The following TCTN1 variants were observed in gnomAD, a reference collection of about 807,000 sequenced individuals.
The protein encoded by TCTN1 is tectonic-1.
Under a neutral mutation model 65.8 loss-of-function variants are expected in TCTN1, and 58 were observed. The observed-to-expected ratio is 0.88, with a 90% CI of 0.71 to 1.10. TCTN1 has a LOEUF of 1.10. TCTN1 is among the 50% of genes least tolerant of loss of function. The probability of loss-of-function intolerance (pLI) is 0.00; values close to 1 mark genes in which losing one functional copy is unlikely to be tolerated. For missense variants in TCTN1, 645 were observed against 719.4 expected, an observed-to-expected ratio of 0.90 and a Z score of 1.18; for synonymous variants, 273 against 289.1, an observed-to-expected ratio of 0.94 and a Z score of 0.57.
intron 3 of TCTN1, chr12:110,627,863 C>G (rs1398845843): frequency 3.2e-6 from 2 of 616,850 alleles, no homozygotes; most frequent in Non-Finnish European, 5.7e-6. Flanking sequence ...TTTTATTTGT[C>G]AAATTCTGTC....
intron 7 of TCTN1, among the ~76,000 whole-genome samples, chr12:110,637,686 C>T (rs745824241): frequency 1.3e-5 from 2 of 152,128 alleles, no homozygotes; most frequent in Non-Finnish European, 2.9e-5. Context: ...AGTGAAGAAC[C>T]CTAGGGCTCC....
At chr12:110,638,545 A>AGT (rs2066734623) in intron 7 of TCTN1, among the ~76,000 whole-genome samples, 1 of 151,956 alleles carries the variant, frequency 6.6e-6, no homozygotes, top group Admixed American at 6.6e-5. Context: ...GTTCTTTACC[A>AGT]GTGTGTGTGT....
Position 110,641,159 on chromosome 12 carries a change from A to T in TCTN1, c.1104+10A>T, listed in dbSNP as rs1250939336. On this transcript the variant is annotated intron_variant, in intron 9 of 14. Coordinates refer to ENST00000397659, the MANE Select transcript of TCTN1 (RefSeq NM_001082538.3). Reference sequence around the variant, plus strand: ...AATTCATTTTCTTCAGGTAAGGTTGATCAATTTGGCATAAGTATTTAATTG... The same window carrying T: ...AATTCATTTTCTTCAGGTAAGGTTGTTCAATTTGGCATAAGTATTTAATTG... 1 of 1,614,124 alleles carries T rather than the reference A, an allele frequency of 6.2e-7. No homozygotes were observed. The highest frequency in any genetic ancestry group is 2.2e-5 in the East Asian group (1 of 44,908).
At chr12:110,618,868 C>A (rs192758945) in intron 1 of TCTN1, among the ~76,000 whole-genome samples, 2 of 151,968 alleles carry the variant, frequency 1.3e-5, no homozygotes, top group African/African-American at 4.8e-5. Context: ...GAAAAATCAT[C>A]CTTATTAATG....
At chr12:110,636,981 C>T (rs1240140607) in intron 7 of TCTN1, among the ~76,000 whole-genome samples, 12 of 152,186 alleles carry the variant, frequency 7.9e-5, no homozygotes, top group Admixed American at 7.9e-4. Flanking sequence ...CGCCCCAGCC[C>T]AGGGTTCTAC....
In TCTN1 at chr12:110,649,412, A is replaced by G. The variant is rs1230424233; in HGVS notation, c.*371A>G. On this transcript the variant is annotated 3_prime_UTR_variant, in exon 15 of 15. Coordinates refer to ENST00000397659, the MANE Select transcript of TCTN1 (RefSeq NM_001082538.3). ...TTTTGAGGGGAGCTGGTCCGGGTCT[A>G]GTTCACTTCACCAAGAAGTCCATGC... The G allele has an allele frequency of 6.2e-7, 1 of 1,607,500 alleles. No homozygotes were observed. Among genetic ancestry groups the G allele is most frequent in the African/African-American group, 1.3e-5 (1 of 74,856 alleles).
intron 3 of TCTN1, chr12:110,628,116 A>C: frequency 6.5e-7 from 1 of 1,536,038 alleles, no homozygotes; most frequent in Non-Finnish European, 8.7e-7. Context: ...TTTCATTCCC[A>C]TAGCCATCCG....
chr12:110,620,091 C>G, intron 2 of TCTN1, 135 bp downstream of exon 2: 1 of 1,333,900 alleles, frequency 7.5e-7, no homozygotes, highest in East Asian at 2.3e-5. Context: ...GAAGCCATAC[C>G]GTCCAAACAA....
At chr12:110,647,559 T>G in intron 13 of TCTN1, 190 bp from the exon 14 acceptor site, 1 of 1,031,402 alleles carries the variant, frequency 9.7e-7, no homozygotes, top group South Asian at 1.5e-5. Flanking sequence ...AATTATGATA[T>G]TCACGTGTTA....
rs368461769 is a variant in TCTN1, at chr12:110,641,669, T to G, written c.1190+42T>G. 111 of 1,571,948 alleles carry G rather than the reference T, an allele frequency of 7.1e-5. No individual in the cohort carries two copies. In the African/African-American group the frequency reaches 1.5e-3, roughly 21 times the overall value. ...TGTAGAGGGTGGATTTATTTCTCTC[T>G]CCATGTGCGTGGGCTGCACTGCTCT... On this transcript the variant is annotated intron_variant, in intron 10 of 14. Transcript: ENST00000397659.
chr12:110,614,900 T>G (rs149033310), intron 1 of TCTN1, among the ~76,000 whole-genome samples: 80 of 152,376 alleles, frequency 5.3e-4, no homozygotes, highest in African/African-American at 1.9e-3. Flanking sequence ...GGAGGGGTTA[T>G]GCTCACTTCT....
intron 6 of TCTN1, 156 bp downstream of exon 6, chr12:110,634,935 C>T: frequency 3.5e-6 from 2 of 567,480 alleles, no homozygotes; most frequent in Non-Finnish European, 6.1e-6. Flanking sequence ...TTGAAATAAT[C>T]CTTTAAATAA....
intron 11 of TCTN1, among the ~76,000 whole-genome samples, chr12:110,642,944 C>T (rs895970286): frequency 2.0e-5 from 3 of 152,054 alleles, no homozygotes; most frequent in Non-Finnish European, 2.9e-5. Flanking sequence ...TTAGTAGAGA[C>T]GGGGTTTCAC....
rs1193855826 is a variant in TCTN1 at position 110,647,912 on chromosome 12, C to G, written c.*1+19C>G. On this transcript the variant is annotated intron_variant, in intron 14 of 14. Coordinates refer to ENST00000397659, the MANE Select transcript of TCTN1 (RefSeq NM_001082538.3). The stretch of plus-strand genomic sequence containing the variant: ...GTTTGACGTAAGTGAGGAAACTACG[C>G]CCCTCCTCTGAGGTCATCCCCTTTG... 1.2e-6 allele frequency: 2 copies of G among 1,612,412 alleles called. No homozygotes were observed. The highest frequency in any genetic ancestry group is 8.5e-7 in the Non-Finnish European group (1 of 1,180,030).
At chr12:110,635,461 TAAAAA>T (rs200089507) in intron 6 of TCTN1, among the ~76,000 whole-genome samples, 186 of 151,094 alleles carry the variant, frequency 1.2e-3, no homozygotes, top group Non-Finnish European at 2.0e-3. Flanking sequence ...CAAAAAATAA[TAAAAA>T]AAAACCTTTT....
chr12:110,633,641 A>G (rs76943544), intron 5 of TCTN1, among the ~76,000 whole-genome samples: 1 of 145,990 alleles, frequency 6.8e-6, no homozygotes, highest in South Asian at 2.1e-4. Context: ...TGTCTCAAAG[A>G]AAAAAAAAAA....
chr12:110,620,961 C>T (rs1242042402), intron 2 of TCTN1, among the ~76,000 whole-genome samples: 4 of 151,988 alleles, frequency 2.6e-5, no homozygotes, highest in African/African-American at 4.8e-5. Flanking sequence ...TACAGGTGCA[C>T]GCCACGATGC....
At chr12:110,617,652 T>A (rs1054145983) in intron 1 of TCTN1, among the ~76,000 whole-genome samples, 1 of 151,556 alleles carries the variant, frequency 6.6e-6, no homozygotes, top group African/African-American at 2.4e-5. Context: ...TTTCTTTTTT[T>A]TTTTTTGAGA....
chr12:110,618,394 C>T (rs2065193292), intron 1 of TCTN1, among the ~76,000 whole-genome samples: 1 of 152,158 alleles, frequency 6.6e-6, no homozygotes, highest in South Asian at 2.1e-4. Context: ...GTGCCCGCCA[C>T]CACACCCAGC....
Sources: allele counts gnomAD v4.1 joint callset (sites outside exome capture counted in the v4.1 genomes callset), GRCh38; gene constraint gnomAD v4.1.1; transcripts MANE v1.5; gene names NCBI Gene and HGNC (gene_info 2026-07-23, HGNC 2026-07-21).